SAMD12: variants seen among roughly 807,000 people sequenced by gnomAD.
The protein encoded by SAMD12 is sterile alpha motif domain containing 12.
SAMD12 carries 9 observed loss-of-function variants against 15.0 expected under a neutral mutation model. That is an observed-to-expected ratio of 0.60 (90% confidence interval 0.36 to 1.05). SAMD12 has a LOEUF of 1.05. Among genes scored for constraint, SAMD12 ranks in the 50% least tolerant of loss-of-function variants. SAMD12 has a pLI of 0.01. For missense variants in SAMD12, 230 were observed against 234.2 expected, an observed-to-expected ratio of 0.98 and a Z score of 0.12; for synonymous variants, 86 against 90.1, an observed-to-expected ratio of 0.96 and a Z score of 0.25.
rs537410151 is a variant in SAMD12 at position 118,612,444 on chromosome 8, C to T, written c.13+9360G>A. On this transcript the variant is annotated intron_variant, in intron 1 of 3. Coordinates refer to ENST00000314727, the MANE Select transcript of SAMD12 (RefSeq NM_207506.3). ...AACTGGTAATCAAGGGGAATATCTA[C>T]CATAGTAATACTGCCCAATCTTGTA... is the stretch of plus-strand genomic sequence containing the variant. Among the ~76,000 whole-genome samples the T allele has an allele frequency of 1.9e-3, 295 of 152,284 alleles. 2 individuals are homozygous for T. The highest frequency in any genetic ancestry group is 6.7e-3 in the African/African-American group (277 of 41,552).
chr8:118,390,715 G>C (rs535955706), intron 3 of SAMD12, among the ~76,000 whole-genome samples: 1 of 152,274 alleles, frequency 6.6e-6, no homozygotes, highest in South Asian at 2.1e-4. Context: ...CCACCGTCAA[G>C]TCCGGTCACT....
At chr8:118,454,705 T>C (rs191641260) in intron 2 of SAMD12, among the ~76,000 whole-genome samples, 124 of 152,318 alleles carry the variant, frequency 8.1e-4, no homozygotes, top group African/African-American at 2.9e-3. Flanking sequence ...GTACACACTG[T>C]TGTGTAACCA....
Position 118,361,999 on chromosome 8 carries a change from T to C in SAMD12, c.433+17561A>G, listed in dbSNP as rs369595196. Among the ~76,000 whole-genome samples, 28 of 152,052 alleles carry C rather than the reference T, an allele frequency of 1.8e-4. No individual in the cohort carries two copies. The East Asian group carries it at 5.0e-3, about 27-fold the overall frequency. On this transcript the variant is annotated intron_variant, in intron 4 of 4. Coordinates refer to the SAMD12 transcript ENST00000409003. Reference sequence around the variant, plus strand: ...AAATCAGCTCTAAAACAAATGATTGTCCCTGACAAAGAAGCAGAAATTGGT... The same window carrying C: ...AAATCAGCTCTAAAACAAATGATTGCCCCTGACAAAGAAGCAGAAATTGGT...
intron 1 of SAMD12, among the ~76,000 whole-genome samples, chr8:118,610,464 A>C (rs1586855449): frequency 6.6e-6 from 1 of 152,342 alleles, no homozygotes; most frequent in East Asian, 1.9e-4. Context: ...GTTCTACCAC[A>C]AATTAGCAGT....
At chr8:118,469,688 G>A (rs778143707) in intron 2 of SAMD12, among the ~76,000 whole-genome samples, 2 of 143,244 alleles carry the variant, frequency 1.4e-5, no homozygotes, top group Admixed American at 7.4e-5. Context: ...TCAGCCTCCC[G>A]AGTAGCTGGG....
chr8:118,535,902 A>T (rs1040416055), intron 2 of SAMD12, among the ~76,000 whole-genome samples: 3 of 152,204 alleles, frequency 2.0e-5, no homozygotes, highest in African/African-American at 7.2e-5. Context: ...TTCCCGGGTG[A>T]GGCAATTCCT....
intron 2 of SAMD12, among the ~76,000 whole-genome samples, chr8:118,528,020 A>AAT (rs200530252): frequency 2.1e-4 from 25 of 118,266 alleles, no homozygotes; most frequent in South Asian, 9.9e-4. Context: ...TGTTCTTTAT[A>AAT]ATATATATAT....
At chr8:118,592,789 G>C (rs1200691598) in intron 1 of SAMD12, among the ~76,000 whole-genome samples, 2 of 152,106 alleles carry the variant, frequency 1.3e-5, no homozygotes, top group Non-Finnish European at 2.9e-5. Context: ...TGTTAGGGAA[G>C]GTAGAAGGTT....
At position 118,591,265 on chromosome 8, in the gene SAMD12, G is replaced by A. The variant is rs571692174; in HGVS notation, c.14-10372C>T. On this transcript the variant is annotated intron_variant, in intron 1 of 3. Transcript: ENST00000314727. ...TTTATAAATGACTTTTGATTTACAT[G>A]TTTTCATTCCTAACTCTATTCTCGG... is the stretch of plus-strand genomic sequence containing the variant. Among the ~76,000 whole-genome samples the A allele has an allele frequency of 5.9e-5, 9 of 152,122 alleles. No homozygotes were observed. The East Asian group carries it at 1.3e-3, about 23-fold the overall frequency.
chr8:118,329,434 C>A (rs1816713348), intron 4 of SAMD12, among the ~76,000 whole-genome samples: 1 of 152,096 alleles, frequency 6.6e-6, no homozygotes, highest in South Asian at 2.1e-4. Flanking sequence ...ATTAGTATTA[C>A]TATGAAAAGT....
At chr8:118,450,574 G>A (rs1320966031) in intron 2 of SAMD12, among the ~76,000 whole-genome samples, 4 of 152,084 alleles carry the variant, frequency 2.6e-5, no homozygotes, top group Non-Finnish European at 4.4e-5. Context: ...AAACAAAAAC[G>A]AACCATAAAA....
At chr8:118,425,210 TTACA>T (rs1822192775) in intron 3 of SAMD12, among the ~76,000 whole-genome samples, 2 of 152,160 alleles carry the variant, frequency 1.3e-5, no homozygotes, top group African/African-American at 4.8e-5. Flanking sequence ...AGTGCTGGGA[TTACA>T]GGCGTGAGCC....
At chr8:118,588,043 C>T (rs974700248) in intron 1 of SAMD12, among the ~76,000 whole-genome samples, 23 of 152,106 alleles carry the variant, frequency 1.5e-4, no homozygotes, top group Non-Finnish European at 4.4e-5. Flanking sequence ...CTTAGGAATA[C>T]ATGTTATTAT....
chr8:118,418,920 A>G (rs542784212), intron 3 of SAMD12, among the ~76,000 whole-genome samples: 23 of 152,158 alleles, frequency 1.5e-4, no homozygotes, highest in Non-Finnish European at 2.6e-4. Context: ...AAAAAGGATT[A>G]CTGTATAATT....
intron 4 of SAMD12, among the ~76,000 whole-genome samples, chr8:118,357,265 T>G (rs1391691731): frequency 6.6e-6 from 1 of 152,168 alleles, no homozygotes; most frequent in African/African-American, 2.4e-5. Flanking sequence ...TCAGACAGGG[T>G]CTTGCTCTGT....
At chr8:118,242,323 AC>A (rs1303973525) in intron 4 of SAMD12, among the ~76,000 whole-genome samples, 1 of 152,120 alleles carries the variant, frequency 6.6e-6, no homozygotes, top group African/African-American at 2.4e-5. Context: ...AGGCCAGAAA[AC>A]CTTAAAGTAG....
At chr8:118,444,495 T>C (rs1376322950) in intron 2 of SAMD12, among the ~76,000 whole-genome samples, 1 of 152,124 alleles carries the variant, frequency 6.6e-6, no homozygotes, top group Non-Finnish European at 1.5e-5. Flanking sequence ...ACTAACTTTA[T>C]GCAAAATACA....
intron 1 of SAMD12, among the ~76,000 whole-genome samples, chr8:118,603,410 A>T (rs533639465): frequency 6.6e-6 from 1 of 152,332 alleles, no homozygotes; most frequent in South Asian, 2.1e-4. Context: ...AAGGAGAAAA[A>T]ATCAGAATGG....
intron 4 of SAMD12, among the ~76,000 whole-genome samples, chr8:118,333,395 A>T (rs1011871930): frequency 2.6e-5 from 4 of 152,152 alleles, no homozygotes; most frequent in African/African-American, 9.7e-5. Flanking sequence ...GTAGAAGCCA[A>T]TGCCCAGGCT....
Sources: gnomAD v4.1 joint callset for allele counts (sites outside exome capture counted in the v4.1 genomes callset) on GRCh38, gnomAD v4.1.1 for gene constraint, MANE v1.5 for transcripts, NCBI Gene and HGNC (gene_info 2026-07-23, HGNC 2026-07-21) for gene names.